The following SMARCA1 variants were observed in gnomAD, a reference collection of about 807,000 sequenced individuals.
The protein encoded by SMARCA1 is SNF2 related chromatin remodeling ATPase 1.
SMARCA1 carries 17 observed loss-of-function variants against 93.6 expected under a neutral mutation model. The ratio of observed to expected loss-of-function variants is 0.18; its 90% CI spans 0.12 to 0.27. The LOEUF is 0.27. SMARCA1 is among the 10% of genes least tolerant of loss of function. The pLI is 1.00. For synonymous variants in SMARCA1, 271 were observed against 271.4 expected, an observed-to-expected ratio of 1.00 and a Z score of 0.01; for missense variants, 630 against 819.0, an observed-to-expected ratio of 0.77 and a Z score of 2.82.
chrX:129,504,565 A>AAAAAC (rs1934717686), intron 9 of SMARCA1, among the ~76,000 whole-genome samples, 169 bp downstream of exon 9: 2 of 98,067 alleles, frequency 2.0e-5, no homozygotes, highest in African/African-American at 8.3e-5. Context: ...AAAAAAAAAA[A>AAAAAC]AAAAAAAAAA....
intron 7 of SMARCA1, among the ~76,000 whole-genome samples, chrX:129,506,590 T>G (rs1431936518): frequency 9.7e-6 from 1 of 103,390 alleles, no homozygotes; most frequent in African/African-American, 3.6e-5. Context: ...CTCAGGAGGC[T>G]GAGGCAGGAG....
chrX:129,484,493 C>G (rs1053884250), intron 17 of SMARCA1, among the ~76,000 whole-genome samples: 2 of 111,605 alleles, frequency 1.8e-5, no homozygotes, highest in Non-Finnish European at 3.8e-5. Context: ...ATACTAGCTA[C>G]AGTGCAAAAC....
intron 20 of SMARCA1, 122 bp downstream of exon 20, chrX:129,471,082 G>T: frequency 2.1e-6 from 1 of 468,182 alleles, no homozygotes; most frequent in Non-Finnish European, 3.4e-6. Context: ...TTACAAAATA[G>T]CCCTGAGTTT....
chrX:129,447,288 C>T, intron 24 of SMARCA1, 55 bp from the exon 25 acceptor site: 1 of 1,094,267 alleles, frequency 9.1e-7, no homozygotes, highest in Non-Finnish European at 1.2e-6. Flanking sequence ...TTAAATGGCC[C>T]AACAATGTTA....
chrX:129,522,540 T>C (rs1602747855), intron 1 of SMARCA1, among the ~76,000 whole-genome samples: 1 of 73,952 alleles, frequency 1.4e-5, no homozygotes, highest in Non-Finnish European at 2.5e-5. Flanking sequence ...GGCGGGGGGG[T>C]ACGACGCAGA....
intron 19 of SMARCA1, among the ~76,000 whole-genome samples, chrX:129,475,145 A>G (rs144911850): frequency 0.035 from 3,702 of 106,993 alleles, 155 homozygotes; most frequent in African/African-American, 0.12. Context: ...TTAATAAGAC[A>G]TACATTTTTT....
intron 23 of SMARCA1, among the ~76,000 whole-genome samples, chrX:129,457,335 G>C (rs1417630005): frequency 8.9e-6 from 1 of 112,321 alleles, no homozygotes; most frequent in Non-Finnish European, 1.9e-5. Flanking sequence ...TGTGATATTT[G>C]CTTTATTGTA....
chrX:129,502,513 T>C (rs181467142), intron 9 of SMARCA1, among the ~76,000 whole-genome samples: 13 of 111,860 alleles, frequency 1.2e-4, no homozygotes, highest in Non-Finnish European at 1.9e-4. Flanking sequence ...ATTCAGCAAC[T>C]GGAAAGTCAT....
At chrX:129,477,231 T>C (rs1352565458) in intron 19 of SMARCA1, among the ~76,000 whole-genome samples, 2 of 111,827 alleles carry the variant, frequency 1.8e-5, no homozygotes, top group African/African-American at 6.5e-5. Context: ...CCTGCCATTC[T>C]CTGCATCGCA....
rs1372487083 is a variant in SMARCA1 at position 129,469,620 on chromosome X, A to G, written c.2566-715T>C. Among the ~76,000 whole-genome samples, 3 of 112,352 alleles carry G rather than the reference A, an allele frequency of 2.7e-5. No individual in the cohort carries two copies. In the Admixed American group the frequency reaches 2.8e-4, roughly 11 times the overall value. On this transcript the variant is annotated intron_variant, in intron 20 of 24. Coordinates refer to ENST00000371121, the MANE Select transcript of SMARCA1 (RefSeq NM_001282874.2). Reference sequence around the variant, plus strand: ...CTGCAAAACTCTATCCCTGGCTTTTAGTTGATAAAGATTTCAGATGACCCC... The same window carrying G: ...CTGCAAAACTCTATCCCTGGCTTTTGGTTGATAAAGATTTCAGATGACCCC...
chrX:129,493,138 T>C, intron 12 of SMARCA1, 63 bp from the exon 13 acceptor site: 1 of 361,491 alleles, frequency 2.8e-6, no homozygotes, highest in Middle Eastern at 3.9e-4. Context: ...TATAGCATTA[T>C]TTATAATAGT....
intron 19 of SMARCA1, among the ~76,000 whole-genome samples, chrX:129,473,893 C>T (rs1324151): frequency 0.36 from 39,537 of 110,236 alleles, 6,577 homozygotes; most frequent in East Asian, 0.77. Flanking sequence ...AGTGTATGCA[C>T]TTGTGAAAAA....
At chrX:129,517,045 T>C (rs1935226625) in intron 2 of SMARCA1, among the ~76,000 whole-genome samples, 1 of 111,415 alleles carries the variant, frequency 9.0e-6, no homozygotes, top group African/African-American at 3.3e-5. Context: ...AGTGTCATGG[T>C]ATAGTAATGT....
At chrX:129,496,208 T>C (rs770935220) in intron 12 of SMARCA1, among the ~76,000 whole-genome samples, 2 of 100,842 alleles carry the variant, frequency 2.0e-5, no homozygotes, top group Non-Finnish European at 4.0e-5. Flanking sequence ...GGCCAACCTT[T>C]TAGTGTCCCA....
At chrX:129,517,626 C>T (rs1456187518) in intron 2 of SMARCA1, among the ~76,000 whole-genome samples, 1 of 110,287 alleles carries the variant, frequency 9.1e-6, no homozygotes, top group East Asian at 2.8e-4. Flanking sequence ...CTATCAACAA[C>T]CAAAAAATAT....
intron 1 of SMARCA1, among the ~76,000 whole-genome samples, chrX:129,520,779 T>C (rs1486845911): frequency 8.9e-6 from 1 of 112,787 alleles, no homozygotes; most frequent in Non-Finnish European, 1.9e-5. Context: ...ACACCTATAA[T>C]CTTTATCATA....
At chrX:129,453,465 A>G (rs1473023197) in intron 23 of SMARCA1, among the ~76,000 whole-genome samples, 2 of 112,095 alleles carry the variant, frequency 1.8e-5, no homozygotes, top group Non-Finnish European at 3.8e-5. Context: ...GGCAAGAGAA[A>G]GAAATAAACG....
At chrX:129,491,870 C>T (rs950579354) in intron 14 of SMARCA1, 71 bp downstream of exon 14, 3 of 723,164 alleles carry the variant, frequency 4.1e-6, no homozygotes, top group African/African-American at 4.2e-5. Context: ...TCATAAATGA[C>T]CTTTATGTGT....
chrX:129,462,760 A>G, intron 23 of SMARCA1, among the ~76,000 whole-genome samples: 1 of 111,448 alleles, frequency 9.0e-6, no homozygotes, highest in Non-Finnish European at 1.9e-5. Context: ...TAACAGAAAA[A>G]GATTTCATTT....
Sources: allele counts gnomAD v4.1 joint callset (sites outside exome capture counted in the v4.1 genomes callset), GRCh38; gene constraint gnomAD v4.1.1; transcripts MANE v1.5; gene names NCBI Gene and HGNC (gene_info 2026-07-23, HGNC 2026-07-21).